The following RBFOX1 variants were observed in gnomAD, a reference collection of about 807,000 sequenced individuals.
The protein encoded by RBFOX1 is RNA binding protein fox-1 homolog 1.
A neutral mutation model predicts 57.7 loss-of-function variants in RBFOX1; 8 were observed. That is an observed-to-expected ratio of 0.14 (90% CI 0.08 to 0.25). The LOEUF (loss-of-function observed/expected upper bound fraction) is 0.25. Among genes scored for constraint, RBFOX1 ranks in the 10% least tolerant of loss-of-function variants. The pLI, the probability that RBFOX1 is intolerant of heterozygous loss-of-function variation, is 1.00. For missense variants in RBFOX1, 611 were observed against 548.5 expected, an observed-to-expected ratio of 1.11 and a Z score of -1.14; for synonymous variants, 326 against 222.4, an observed-to-expected ratio of 1.47 and a Z score of -4.15.
intron 13 of RBFOX1, among the ~76,000 whole-genome samples, chr16:7,670,638 G>A (rs567090636): frequency 6.6e-6 from 1 of 152,258 alleles, no homozygotes; most frequent in Non-Finnish European, 1.5e-5. Context: ...AATGTTATCA[G>A]GCATCGCTCC....
intron 2 of RBFOX1, among the ~76,000 whole-genome samples, chr16:5,468,403 G>A (rs1276788724): frequency 1.3e-5 from 2 of 152,010 alleles, no homozygotes; most frequent in African/African-American, 4.8e-5. Context: ...TGTCTCTGTG[G>A]GCTCACCTAT....
At chr16:7,448,803 G>A (rs13330691) in intron 4 of RBFOX1, among the ~76,000 whole-genome samples, 1 of 151,860 alleles carries the variant, frequency 6.6e-6, no homozygotes, top group Non-Finnish European at 1.5e-5. Flanking sequence ...TAATCTTCTT[G>A]TAAGGGCACC....
At chr16:7,091,527 T>TA (rs199716851) in intron 4 of RBFOX1, among the ~76,000 whole-genome samples, 25,989 of 147,234 alleles carry the variant, frequency 0.18, 2,493 homozygotes, top group East Asian at 0.29. Flanking sequence ...TTCAGTCACT[T>TA]AAAAAAAAAA....
intron 2 of RBFOX1, among the ~76,000 whole-genome samples, chr16:5,580,276 C>T (rs1455428910): frequency 1.3e-5 from 2 of 152,126 alleles, no homozygotes; most frequent in Non-Finnish European, 2.9e-5. Flanking sequence ...GTTCTGGGAG[C>T]GCCGGCTGAT....
At chr16:5,656,423 T>G (rs1463234139) in intron 3 of RBFOX1, among the ~76,000 whole-genome samples, 1 of 152,212 alleles carries the variant, frequency 6.6e-6, no homozygotes, top group East Asian at 1.9e-4. Context: ...TAAGTTGGCA[T>G]TTTCAAAATT....
intron 4 of RBFOX1, among the ~76,000 whole-genome samples, chr16:7,459,714 G>A (rs902775535): frequency 7.2e-5 from 11 of 152,058 alleles, no homozygotes; most frequent in Admixed American, 7.2e-4. Context: ...GCTTGCACCT[G>A]GAAATAGCAC....
intron 2 of RBFOX1, among the ~76,000 whole-genome samples, chr16:6,555,557 G>A (rs184106450): frequency 2.1e-3 from 315 of 152,064 alleles, no homozygotes; most frequent in Non-Finnish European, 3.6e-3. Flanking sequence ...AAAATTAGCC[G>A]GGCGTGGTGG....
intron 2 of RBFOX1, among the ~76,000 whole-genome samples, chr16:5,536,984 C>G (rs766657198): frequency 4.6e-5 from 7 of 152,194 alleles, no homozygotes; most frequent in Non-Finnish European, 7.3e-5. Context: ...GCTAAGCTTT[C>G]TATCACTGCA....
chr16:5,818,946 A>G (rs1434857410), intron 3 of RBFOX1, among the ~76,000 whole-genome samples: 1 of 152,156 alleles, frequency 6.6e-6, no homozygotes, highest in Admixed American at 6.5e-5. Flanking sequence ...CATCCTTACA[A>G]TGGATGGGTC....
intron 4 of RBFOX1, among the ~76,000 whole-genome samples, chr16:5,955,423 C>T (rs537313143): frequency 1.3e-5 from 2 of 149,944 alleles, no homozygotes; most frequent in African/African-American, 4.9e-5. Context: ...AAAGTCTTTC[C>T]TCAGTGCCTG....
intron 2 of RBFOX1, 93 bp downstream of exon 2, chr16:6,317,150 G>A: frequency 7.8e-7 from 1 of 1,279,048 alleles, no homozygotes; most frequent in Non-Finnish European, 1.1e-6. Flanking sequence ...CAGGTTTGAA[G>A]TTGTTACAAA....
At chr16:7,093,683 C>G (rs771675902) in intron 4 of RBFOX1, among the ~76,000 whole-genome samples, 2 of 152,128 alleles carry the variant, frequency 1.3e-5, no homozygotes, top group Admixed American at 6.5e-5. Context: ...CATGGCCTCC[C>G]CACTCACTGC....
chr16:5,780,287 C>T (rs985633110), intron 3 of RBFOX1, among the ~76,000 whole-genome samples: 4 of 152,224 alleles, frequency 2.6e-5, no homozygotes, highest in African/African-American at 9.6e-5. Context: ...CAGGCGTGTG[C>T]CATTGCACCC....
intron 2 of RBFOX1, among the ~76,000 whole-genome samples, chr16:6,347,192 A>G (rs2085512970): frequency 6.6e-6 from 1 of 152,178 alleles, no homozygotes; most frequent in Admixed American, 6.5e-5. Context: ...CTTTCTGGCC[A>G]AGAGTTTCCT....
At chr16:6,878,400 G>A (rs11862011) in intron 3 of RBFOX1, among the ~76,000 whole-genome samples, 1 of 152,098 alleles carries the variant, frequency 6.6e-6, no homozygotes, top group Non-Finnish European at 1.5e-5. Flanking sequence ...AAATATTTCA[G>A]ATGATGGATT....
At position 6,807,800 on chromosome 16, in the gene RBFOX1, G is replaced by A. The variant is rs548310140; in HGVS notation, c.-16+153150G>A. Among the ~76,000 whole-genome samples, 17 of 151,982 alleles carry A rather than the reference G, an allele frequency of 1.1e-4. No individual in the cohort carries two copies. The South Asian group carries it at 3.3e-3, about 30-fold the overall frequency. ...CACTGTACTCCAGCCTGGTGACAGA[G>A]CGAGACTCCATCTCAAAAAAAGATG... On this transcript the variant is annotated intron_variant, in intron 3 of 15. Coordinates refer to ENST00000550418, the MANE Select transcript of RBFOX1 (RefSeq NM_018723.4).
chr16:5,856,212 T>TAC (rs2057041370), intron 3 of RBFOX1, among the ~76,000 whole-genome samples: 3 of 39,596 alleles, frequency 7.6e-5, no homozygotes, highest in African/African-American at 1.5e-4. Flanking sequence ...TATATACATA[T>TAC]ATATGTATAT....
At chr16:6,193,828 C>A (rs1567652674) in intron 1 of RBFOX1, among the ~76,000 whole-genome samples, 1 of 152,048 alleles carries the variant, frequency 6.6e-6, no homozygotes, top group Admixed American at 6.6e-5. Context: ...CTCTGTTCTT[C>A]CTTCATTCTC....
chr16:5,283,186 C>G (rs1325845062), intron 1 of RBFOX1, among the ~76,000 whole-genome samples: 1 of 152,186 alleles, frequency 6.6e-6, no homozygotes, highest in Admixed American at 6.5e-5. Flanking sequence ...GAACCACTGC[C>G]TAGATTTCAG....
Sources: gnomAD v4.1 joint callset for allele counts (sites outside exome capture counted in the v4.1 genomes callset) on GRCh38, gnomAD v4.1.1 for gene constraint, MANE v1.5 for transcripts, NCBI Gene and HGNC (gene_info 2026-07-23, HGNC 2026-07-21) for gene names.